FASN: variants seen among roughly 807,000 people sequenced by gnomAD.
The protein encoded by FASN is fatty acid synthase.
In FASN, 50 loss-of-function variants were observed where a neutral mutation model predicts 250.0. That is an observed-to-expected ratio of 0.20 (90% CI 0.16 to 0.25). FASN has a LOEUF of 0.25. Among genes scored for constraint, FASN ranks in the 10% least tolerant of loss-of-function variants. The probability of loss-of-function intolerance (pLI) is 1.00; values close to 1 mark genes in which losing one functional copy is unlikely to be tolerated. For synonymous variants in FASN, 1,909 were observed against 1,584.0 expected (o/e 1.21, Z -4.87); for missense variants, 3,031 against 3,498.5 (o/e 0.87, Z 3.37).
At chr17:82,096,084 G>C (rs531103616) in intron 2 of FASN, among the ~76,000 whole-genome samples, 1 of 152,250 alleles carries the variant, frequency 6.6e-6, no homozygotes, top group East Asian at 1.9e-4. Flanking sequence ...CCTTGCAGCC[G>C]TTGAGGGAAC....
chr17:82,082,583 G>C lies in FASN; in HGVS notation c.5863C>G (p.Leu1955Val), dbSNP rs775062676. 3 of 1,609,778 alleles carry C rather than the reference G, an allele frequency of 1.9e-6. No homozygotes were observed. The highest frequency in any genetic ancestry group is 1.7e-6 in the Non-Finnish European group (2 of 1,179,856). ...CCAAGCTGCGCCGCCTCGGCAATGA[G>C]GCCCCGGGCCCCCTCCAGTGAGCTG... ...NISSLEGARG[L>V]IAEAAQLGPV... Residue 1955 changes from leucine (L) to valine (V), a missense_variant, in exon 34 of 43, where the codon CTC becomes GTC. Coordinates refer to ENST00000306749, the MANE Select transcript of FASN (RefSeq NM_004104.5).
chr17:82,079,976 G>A (rs976161756), intron 41 of FASN, 164 bp downstream of exon 41: 15 of 799,000 alleles, frequency 1.9e-5, no homozygotes, highest in Admixed American at 1.3e-4. Context: ...CCAAAGTGCC[G>A]GGATTACAGG....
At chr17:82,093,143 C>T (rs2034243041) in intron 5 of FASN, 76 bp downstream of exon 5, 8 of 1,541,782 alleles carry the variant, frequency 5.2e-6, no homozygotes, top group Non-Finnish European at 7.0e-6. Context: ...CAGGATCCTG[C>T]TCAGCGTGGG....
Position 82,098,131 on chromosome 17 carries a change from CGCGGGCGGCGGT to C in FASN, c.-30_-19del, listed in dbSNP as rs1356992048. Reference sequence around the variant, plus strand: ...GCCGGCTGCTCGTACCTGGTGAGGGCGCGGGCGGCGGTGCGGGCGGCGGAGAGCGAGGCTGGA... The same window carrying C: ...GCCGGCTGCTCGTACCTGGTGAGGGCGCGGGCGGCGGAGAGCGAGGCTGGA... On this transcript the variant is annotated 5_prime_UTR_variant, in exon 1 of 43. Coordinates refer to ENST00000306749, the MANE Select transcript of FASN (RefSeq NM_004104.5). The C allele has an allele frequency of 2.9e-5, 10 of 346,830 alleles. No individual in the cohort carries two copies. Among genetic ancestry groups the C allele is most frequent in the Middle Eastern group, 7.6e-4 (1 of 1,318 alleles). 21.5% of individuals were successfully genotyped at this position (346,830 alleles called of 1,614,324 possible). A position where few individuals can be genotyped will look rare whatever the true frequency, so the allele number is the denominator to read the frequency against.
In FASN at chr17:82,083,593, G is replaced by A. The variant is rs1295988787; in HGVS notation, c.5265C>T (p.Ala1755=). 1 of 1,612,284 alleles carries A rather than the reference G, an allele frequency of 6.2e-7. No homozygotes were observed. Among genetic ancestry groups the A allele is most frequent in the African/African-American group, 1.3e-5 (1 of 75,062 alleles). Residue 1755 remains alanine (A), a synonymous_variant, in exon 31 of 43, where the codon GCC becomes GCT. Coordinates refer to ENST00000306749, the MANE Select transcript of FASN (RefSeq NM_004104.5). The part of the protein sequence containing the change: ...LNSLAEEKLQ[A]SVRCLATHGR... ...CGTGCGTAGCCAAGCACCTCACGCT[G>A]GCCTGCAGCTTCTCTTCCGCCAAGG...
chr17:82,090,847 T>C, intron 10 of FASN, 35 bp downstream of exon 10: 1 of 1,555,474 alleles, frequency 6.4e-7, no homozygotes. Flanking sequence ...GCCCTGGGGC[T>C]GGCGTTGCTC....
chr17:82,079,936 G>A (rs1006179787), intron 41 of FASN: 6 of 666,450 alleles, frequency 9.0e-6, no homozygotes, highest in South Asian at 1.8e-5. Flanking sequence ...TCGAACTCCC[G>A]ACCTCAGGTA....
At chr17:82,082,786 CCCA>C in intron 33 of FASN, 108 bp from the exon 34 acceptor site, 2 of 1,551,920 alleles carry the variant, frequency 1.3e-6, no homozygotes, top group African/African-American at 1.4e-5. Flanking sequence ...CAGCAAGCCC[CCCA>C]CAAGATGGAG....
In FASN at chr17:82,085,516, G is replaced by T. The variant is rs999493639; in HGVS notation, c.4088C>A (p.Thr1363Asn). ...LGDIVAFLTSTEPQYGQGILS... is the reference protein window; with the variant it reads ...LGDIVAFLTSNEPQYGQGILS... ...GATGCCCTGGCCATACTGCGGCTCAGTGGAGGTGAGGAAGGCCACGATGTC... is the reference window on the plus strand; with the variant it reads ...GATGCCCTGGCCATACTGCGGCTCATTGGAGGTGAGGAAGGCCACGATGTC... Residue 1363 changes from threonine (T) to asparagine (N), a missense_variant, in exon 23 of 43, where the codon ACT becomes AAT. Coordinates refer to ENST00000306749, the MANE Select transcript of FASN (RefSeq NM_004104.5). The T allele has an allele frequency of 1.3e-6, 2 of 1,595,886 alleles. No homozygotes were observed. The highest frequency in any genetic ancestry group is 4.5e-5 in the East Asian group (2 of 44,016).
At chr17:82,090,716 G>A (rs2034189487) in intron 10 of FASN, 152 bp from the exon 11 acceptor site, 4 of 1,038,706 alleles carry the variant, frequency 3.9e-6, no homozygotes, top group South Asian at 2.7e-5. Context: ...CCCCCACACA[G>A]CCCCACTGAG....
rs1157850752 is a variant in FASN, at chr17:82,085,087, C to T, written c.4357G>A (p.Val1453Met). 8 of 1,612,464 alleles carry T rather than the reference C, an allele frequency of 5.0e-6. No homozygotes were observed. Among genetic ancestry groups the T allele is most frequent in the South Asian group, 1.1e-5 (1 of 91,088 alleles). Residue 1453 changes from valine to methionine, a missense_variant, in exon 25 of 43, where the codon GTG becomes ATG. Transcript: ENST00000306749. ...CGGAGACAGTTCACCAAGCCCACCA[C>T]GCCCGAGGTGGCACAGTTGATGGCC... ...LKAINCATSG[V>M]VGLVNCLRRE... is the part of the protein sequence containing the mutation.
intron 10 of FASN, 67 bp from the exon 11 acceptor site, chr17:82,090,631 G>C: frequency 1.4e-6 from 2 of 1,397,522 alleles, no homozygotes; most frequent in Non-Finnish European, 2.0e-6. Flanking sequence ...GCGGCCCCCG[G>C]CCCCACTAGG....
rs1568110612 is a variant in FASN, at chr17:82,086,428, G to A, written c.3558C>T (p.Cys1186=). Residue 1186 remains cysteine (C), a synonymous_variant, in exon 22 of 43, where the codon TGC becomes TGT. Coordinates refer to ENST00000306749, the MANE Select transcript of FASN (RefSeq NM_004104.5). ...GCAGGTTCCCGTTGAGCTGAAGCCT[G>A]CAGGCAGCCGACAACAGCCGGGGCA... ...QELPRLLSAA[C]RLQLNGNLQL... 2.5e-6 allele frequency: 4 copies of A among 1,611,692 alleles called. No individual in the cohort carries two copies. The highest frequency in any genetic ancestry group is 3.4e-6 in the Non-Finnish European group (4 of 1,179,888).
rs767945245 is a variant in FASN at position 82,095,393 on chromosome 17, G to A, written c.207C>T (p.Pro69=). 1.9e-6 allele frequency: 3 copies of A among 1,612,962 alleles called. No homozygotes were observed. Among genetic ancestry groups the A allele is most frequent in the Non-Finnish European group, 2.5e-6 (3 of 1,179,998 alleles). The change falls in exon 3 of 43, where the codon CCC becomes CCT. Residue 69 remains proline (P), a synonymous_variant. Transcript: ENST00000306749. ...GAGGGTCCATCGTGTGTGCCTGCTT[G>A]GGGTGGACTCCGAAGAAGGAGGCAT... The part of the protein sequence containing the change: ...RFDASFFGVH[P]KQAHTMDPQL...
intron 1 of FASN, chr17:82,096,653 C>A: frequency 1.4e-6 from 1 of 729,448 alleles, no homozygotes; most frequent in Non-Finnish European, 2.3e-6. Context: ...GGGCTGCGTG[C>A]TCTGGGAACA....
Position 82,088,701 on chromosome 17 carries a change from C to T in FASN, c.2420+60G>A. ...TCAGTGAGGGGCCCGCAGCCCCGCT[C>T]ACCCACCCCACGCCGTCCCCGACTC... On this transcript the variant is annotated intron_variant, in intron 15 of 42. Coordinates refer to ENST00000306749, the MANE Select transcript of FASN (RefSeq NM_004104.5). The T allele has an allele frequency of 1.9e-6, 3 of 1,541,150 alleles. No homozygotes were observed. In the Admixed American group the frequency reaches 5.2e-5, roughly 27 times the overall value.
intron 1 of FASN, chr17:82,096,861 G>T: frequency 3.1e-6 from 1 of 320,142 alleles, no homozygotes; most frequent in South Asian, 2.7e-5. Context: ...TCACAGTGAG[G>T]AGCAGGCAGG....
At position 82,083,646 on chromosome 17, in the gene FASN, G is replaced by C. The variant is rs1432097231; in HGVS notation, c.5219-7C>G. On this transcript the variant is annotated splice_polypyrimidine_tract_variant and splice_region_variant and intron_variant, in intron 30 of 42. Coordinates refer to ENST00000306749, the MANE Select transcript of FASN (RefSeq NM_004104.5). The stretch of plus-strand genomic sequence containing the variant: ...TTCAAGACCAGGTCAACGCCTAGGG[G>C]GCCAGAGGGGCCAGACAATCACACC... The C allele has an allele frequency of 1.2e-6, 2 of 1,604,292 alleles. No individual in the cohort carries two copies. Among genetic ancestry groups the C allele is most frequent in the East Asian group, 2.2e-5 (1 of 44,640 alleles).
intron 7 of FASN, 32 bp from the exon 8 acceptor site, chr17:82,092,621 G>T: frequency 6.2e-7 from 1 of 1,602,188 alleles, no homozygotes; most frequent in Non-Finnish European, 8.5e-7. Context: ...AGGGGCTCTG[G>T]CCAGGTCACC....
Sources: allele counts gnomAD v4.1 joint callset (sites outside exome capture counted in the v4.1 genomes callset), GRCh38; gene constraint gnomAD v4.1.1; transcripts MANE v1.5; gene names NCBI Gene and HGNC (gene_info 2026-07-23, HGNC 2026-07-21).